XDH: variants seen among roughly 807,000 people sequenced by gnomAD.
XDH encodes the protein xanthine dehydrogenase, also known as xanthine dehydrogenase/oxidase.
A neutral mutation model predicts 156.1 loss-of-function variants in XDH; 138 were observed. That is an observed-to-expected ratio of 0.88 (90% CI 0.77 to 1.02). XDH has a LOEUF of 1.02. Among genes scored for constraint, XDH ranks in the 50% least tolerant of loss-of-function variants. The probability of loss-of-function intolerance (pLI) is 0.00; values close to 1 mark genes in which losing one functional copy is unlikely to be tolerated. For missense variants in XDH, 1,849 were observed against 1,684.9 expected (o/e 1.10, Z -1.71); for synonymous variants, 669 against 625.7 (o/e 1.07, Z -1.03).
Position 31,405,900 on chromosome 2 carries a change from AG to A in XDH, c.100+6del. The stretch of plus-strand genomic sequence containing the variant: ...TCTCCGTCACTCCCACTCCAAAGTC[AG>A]GATACACTTTCTTCTCAGGTAGGCC... On this transcript the variant is annotated splice_donor_region_variant and intron_variant, in intron 2 of 35. Coordinates refer to ENST00000379416, the MANE Select transcript of XDH (RefSeq NM_000379.4). The A allele has an allele frequency of 6.2e-7, 1 of 1,614,174 alleles. No individual in the cohort carries two copies. The highest frequency in any genetic ancestry group is 8.5e-7 in the Non-Finnish European group (1 of 1,180,002).
chr2:31,364,968 C>G (rs1484184373), intron 23 of XDH, among the ~76,000 whole-genome samples: 1 of 152,146 alleles, frequency 6.6e-6, no homozygotes, highest in Non-Finnish European at 1.5e-5. Flanking sequence ...CCACAGAAAC[C>G]CAGAAGAGGG....
At chr2:31,337,230 C>T (rs184040852) in intron 35 of XDH, among the ~76,000 whole-genome samples, 52 of 152,136 alleles carry the variant, frequency 3.4e-4, no homozygotes, top group Admixed American at 3.4e-3. Context: ...TTAATTATTT[C>T]CTCTTTTTCC....
intron 2 of XDH, among the ~76,000 whole-genome samples, chr2:31,403,743 T>C (rs1687124651): frequency 6.6e-6 from 1 of 152,206 alleles, no homozygotes; most frequent in Non-Finnish European, 1.5e-5. Context: ...ATATTGGGCC[T>C]CACTCTTACA....
chr2:31,408,520 A>C (rs1249338562), intron 1 of XDH, among the ~76,000 whole-genome samples: 1 of 152,272 alleles, frequency 6.6e-6, no homozygotes, highest in South Asian at 2.1e-4. Context: ...AATAACAGCC[A>C]TAATGGGCTA....
intron 24 of XDH, among the ~76,000 whole-genome samples, chr2:31,351,128 C>A (rs1685469444): frequency 6.6e-6 from 1 of 152,182 alleles, no homozygotes; most frequent in Non-Finnish European, 1.5e-5. Context: ...CTCACCCCTA[C>A]CAGCTTCCTA....
chr2:31,349,863 T>C, intron 25 of XDH, 32 bp from the exon 26 acceptor site: 1 of 1,613,192 alleles, frequency 6.2e-7, no homozygotes. Flanking sequence ...GAGGCCTTGT[T>C]GGCGGCAAGA....
chr2:31,374,328 G>T (rs749711265), intron 15 of XDH, among the ~76,000 whole-genome samples: 2 of 152,154 alleles, frequency 1.3e-5, no homozygotes, highest in African/African-American at 4.8e-5. Flanking sequence ...TATGGAAAAT[G>T]TTCACAATAT....
At chr2:31,399,628 A>G (rs916263063) in intron 4 of XDH, among the ~76,000 whole-genome samples, 1 of 152,204 alleles carries the variant, frequency 6.6e-6, no homozygotes, top group Non-Finnish European at 1.5e-5. Flanking sequence ...AGCCCCCATA[A>G]TTCCCATGTG....
chr2:31,349,915 C>A, intron 25 of XDH, 84 bp from the exon 26 acceptor site: 3 of 1,611,776 alleles, frequency 1.9e-6, no homozygotes, highest in South Asian at 2.2e-5. Context: ...AGCTTCCAAC[C>A]CCCTCAGCAG....
At chr2:31,359,383 AAAC>A (rs1231160692) in intron 24 of XDH, among the ~76,000 whole-genome samples, 37 of 152,280 alleles carry the variant, frequency 2.4e-4, no homozygotes, top group African/African-American at 8.7e-4. Flanking sequence ...AAAAAAAAAA[AAAC>A]AAGGCATTTA....
intron 11 of XDH, among the ~76,000 whole-genome samples, 183 bp from the exon 12 acceptor site, chr2:31,381,909 T>G (rs1219452655): frequency 6.6e-6 from 1 of 152,162 alleles, no homozygotes; most frequent in Non-Finnish European, 1.5e-5. Context: ...GCGCAAAATT[T>G]GAAATCAGAA....
chr2:31,362,182 C>G (rs549296930), intron 24 of XDH, among the ~76,000 whole-genome samples: 1 of 152,294 alleles, frequency 6.6e-6, no homozygotes, highest in Non-Finnish European at 1.5e-5. Context: ...GAGCACTAGG[C>G]AGCCTTTAAC....
At chr2:31,380,342 G>T (rs891244773) in intron 12 of XDH, among the ~76,000 whole-genome samples, 39 of 152,230 alleles carry the variant, frequency 2.6e-4, no homozygotes, top group Non-Finnish European at 5.9e-5. Context: ...CTCTGTAGGG[G>T]TTGCTTACAA....
intron 6 of XDH, 85 bp downstream of exon 6, chr2:31,397,583 G>A: frequency 6.7e-7 from 1 of 1,501,958 alleles, no homozygotes; most frequent in Non-Finnish European, 9.3e-7. Context: ...GTAGACCAGA[G>A]GCCCTTGGTC....
At chr2:31,338,714 C>CT (rs57389753) in intron 34 of XDH, among the ~76,000 whole-genome samples, 23,243 of 62,242 alleles carry the variant, frequency 0.37, 8,587 homozygotes, top group East Asian at 0.51. Context: ...CTGACCAAGT[C>CT]TTTTTTTTTT....
rs772808145 is a variant in XDH at position 31,364,264 on chromosome 2, G to C, written c.2545-20C>G. 1 of 1,613,082 alleles carries C rather than the reference G, an allele frequency of 6.2e-7. No homozygotes were observed. The highest frequency in any genetic ancestry group is 1.3e-5 in the African/African-American group (1 of 74,902). On this transcript the variant is annotated intron_variant, in intron 23 of 35. Coordinates refer to ENST00000379416, the MANE Select transcript of XDH (RefSeq NM_000379.4). The stretch of plus-strand genomic sequence containing the variant: ...GCCAACCTGATAAAAGGAGAAAGGA[G>C]AGGGATTTATCATAAGTCCCGTTTC...
intron 31 of XDH, among the ~76,000 whole-genome samples, chr2:31,344,226 T>A (rs780727920): frequency 7.2e-5 from 11 of 152,102 alleles, no homozygotes; most frequent in Non-Finnish European, 1.5e-4. Flanking sequence ...GTGCTCTAAA[T>A]CCTCCTCTCA....
At chr2:31,356,603 A>C (rs1685629820) in intron 24 of XDH, among the ~76,000 whole-genome samples, 1 of 152,214 alleles carries the variant, frequency 6.6e-6, no homozygotes, top group Admixed American at 6.5e-5. Context: ...TCAGGAATGG[A>C]TCCTTCCCTA....
intron 6 of XDH, among the ~76,000 whole-genome samples, chr2:31,393,339 G>C (rs1558311116): frequency 6.6e-6 from 1 of 152,200 alleles, no homozygotes; most frequent in African/African-American, 2.4e-5. Flanking sequence ...ATTAAGGACT[G>C]TTATATCTTC....
Sources: gnomAD v4.1 joint callset for allele counts (sites outside exome capture counted in the v4.1 genomes callset) on GRCh38, gnomAD v4.1.1 for gene constraint, MANE v1.5 for transcripts, NCBI Gene and HGNC (gene_info 2026-07-23, HGNC 2026-07-21) for gene names.